Variants in CDC42 observed in about 807,000 individuals in gnomAD.
CDC42 encodes the protein cell division cycle 42.
A neutral mutation model predicts 20.8 loss-of-function variants in CDC42; 1 was observed. That is an observed-to-expected ratio of 0.05 (90% CI 0.02 to 0.23). The LOEUF is 0.23. CDC42 is among the 10% of genes least tolerant of loss of function. CDC42 has a pLI of 1.00. For missense variants in CDC42, 49 were observed against 227.9 expected, an observed-to-expected ratio of 0.21 and a Z score of 5.05; for synonymous variants, 72 against 84.8, an observed-to-expected ratio of 0.85 and a Z score of 0.83.
rs571796710 is a variant in CDC42, at chr1:22,095,202, C to G, written c.*3685C>G. ...CTGTAAGTCTTACTCTGTATCTACCCGACTTCAGATCATGGTGATTTAATT... is the reference window on the plus strand; with the variant it reads ...CTGTAAGTCTTACTCTGTATCTACCGGACTTCAGATCATGGTGATTTAATT... On this transcript the variant is annotated 3_prime_UTR_variant, in exon 6 of 6. Transcript: ENST00000656825. Among the ~76,000 whole-genome samples the G allele has an allele frequency of 6.6e-6, 1 of 152,034 alleles. No homozygotes were observed. The highest frequency in any genetic ancestry group is 1.5e-5 in the Non-Finnish European group (1 of 68,018).
At position 22,092,776 on chromosome 1, in the gene CDC42, G is replaced by C. The variant is rs553006459; in HGVS notation, c.*1259G>C. 6.6e-4 allele frequency: 101 copies of C among 152,690 alleles called. No homozygotes were observed. The highest frequency in any genetic ancestry group is 2.2e-3 in the African/African-American group (93 of 41,540). The allele number at this position is 152,690 out of a possible 1,614,324, so 9.5% of individuals were successfully genotyped here. ...TTAAGTGTTAATAGGGATTTTTTCA[G>C]CTTATTTTGGTTGCAGTTTCCAATT... On this transcript the variant is annotated 3_prime_UTR_variant, in exon 6 of 6. Coordinates refer to ENST00000656825, the MANE Select transcript of CDC42 (RefSeq NM_001791.4).
intron 2 of CDC42, among the ~76,000 whole-genome samples, chr1:22,080,175 A>G (rs1359886290): frequency 6.6e-6 from 1 of 152,226 alleles, no homozygotes; most frequent in African/African-American, 2.4e-5. Context: ...TTTAGGGATG[A>G]GACTTAGAAG....
chr1:22,092,631 A>G lies in CDC42; in HGVS notation c.*1114A>G, dbSNP rs999773724. The G allele has an allele frequency of 6.6e-6, 1 of 152,534 alleles. No individual in the cohort carries two copies. The highest frequency in any genetic ancestry group is 6.5e-5 in the Admixed American group (1 of 15,270). The allele number at this position is 152,534 out of a possible 1,614,324, so 9.4% of individuals were successfully genotyped here. A position where few individuals can be genotyped will look rare whatever the true frequency, so the allele number is the denominator to read the frequency against. On this transcript the variant is annotated 3_prime_UTR_variant, in exon 6 of 6. Coordinates refer to ENST00000656825, the MANE Select transcript of CDC42 (RefSeq NM_001791.4). ...GGGGGTGGGGAGAACACTTAACAAC[A>G]TGGGGACCAGTCAGGGGAATCCCCT...
intron 1 of CDC42, among the ~76,000 whole-genome samples, chr1:22,074,725 T>C (rs1250237871): frequency 6.6e-6 from 1 of 152,204 alleles, no homozygotes; most frequent in Non-Finnish European, 1.5e-5. Context: ...TTAATACATG[T>C]GTTAAAGGGC....
intron 1 of CDC42, among the ~76,000 whole-genome samples, chr1:22,057,957 C>T (rs1205823296): frequency 6.6e-6 from 1 of 152,042 alleles, no homozygotes; most frequent in Non-Finnish European, 1.5e-5. Context: ...TAACTCCTGA[C>T]CTCACGTGAT....
rs1223222790 is a variant in CDC42 at position 22,097,289 on chromosome 1, C to T, written c.*5772C>T. Among the ~76,000 whole-genome samples, 1 of 152,212 alleles carries T rather than the reference C, an allele frequency of 6.6e-6. No homozygotes were observed. Among genetic ancestry groups the T allele is most frequent in the African/African-American group, 2.4e-5 (1 of 41,458 alleles). ...ACTTTTTTTTCGAGACCAGATCTTA[C>T]TCTGTCGCCCAGGCTGGAGTGCAGT... On this transcript the variant is annotated 3_prime_UTR_variant, in exon 6 of 6. Transcript: ENST00000656825.
intron 2 of CDC42, among the ~76,000 whole-genome samples, chr1:22,080,677 T>A (rs1645597977): frequency 6.6e-6 from 1 of 152,228 alleles, no homozygotes; most frequent in African/African-American, 2.4e-5. Context: ...TTCTAAAGAC[T>A]CCAGAATTTG....
chr1:22,090,198 A>C (rs1018571710), intron 5 of CDC42: 8 of 1,291,446 alleles, frequency 6.2e-6, no homozygotes, highest in Non-Finnish European at 6.9e-6. Flanking sequence ...ATGCAATATC[A>C]TATAAATTTT....
chr1:22,054,915 ATATATATTTTTTTTTTTTTTTTTTTTTTT>A (rs1645283557), intron 1 of CDC42, among the ~76,000 whole-genome samples: 7 of 14,690 alleles, frequency 4.8e-4, no homozygotes, highest in East Asian at 6.0e-3. Flanking sequence ...ATATATATAT[ATATATATTTTTTTTTTTTTTTTTTTTTTT>A]TTTTTTTTTT....
Position 22,070,443 on chromosome 1 carries a change from C to CTTTTTTT in CDC42, c.-50-7954_-50-7948dup, listed in dbSNP as rs567184632. On this transcript the variant is annotated intron_variant, in intron 1 of 5. Coordinates refer to ENST00000656825, the MANE Select transcript of CDC42 (RefSeq NM_001791.4). ...CCTTTGTTGTCCTCTGCCTTTGCCT[C>CTTTTTTT]TTTTTTTTTTTTTTTTTTTTTTTTT... Among the ~76,000 whole-genome samples the CTTTTTTT allele has an allele frequency of 9.9e-5, 6 of 60,370 alleles. 2 individuals carry two copies. The highest frequency in any genetic ancestry group is 1.8e-4 in the Non-Finnish European group (6 of 34,184). The allele number at this position is 60,370 out of a possible 152,430, so 39.6% of individuals were successfully genotyped here. A position where few individuals can be genotyped will look rare whatever the true frequency, so the allele number is the denominator to read the frequency against.
At chr1:22,065,121 A>G (rs1645408014) in intron 1 of CDC42, among the ~76,000 whole-genome samples, 1 of 152,232 alleles carries the variant, frequency 6.6e-6, no homozygotes, top group African/African-American at 2.4e-5. Flanking sequence ...GGCTTAAAAG[A>G]GTTTTAAGTA....
At position 22,101,285 on chromosome 1, in the gene CDC42, C is replaced by T. The variant is rs1212960833; in HGVS notation, c.*9768C>T. 1 of 152,208 alleles carries T rather than the reference C, an allele frequency of 6.6e-6. No individual in the cohort carries two copies. Among genetic ancestry groups the T allele is most frequent in the Non-Finnish European group, 1.5e-5 (1 of 68,030 alleles). The allele number at this position is 152,208 out of a possible 1,614,324, so 9.4% of individuals were successfully genotyped here. ...GAAGATCCAGGTTCTAGTTGAGGCA[C>T]CAGAGTTTCCTTGGGCAAGTTGCCA... On this transcript the variant is annotated 3_prime_UTR_variant, in exon 6 of 6. Coordinates refer to ENST00000656825, the MANE Select transcript of CDC42 (RefSeq NM_001791.4).
chr1:22,078,365 C>G (rs1645573685), intron 1 of CDC42, 64 bp from the exon 2 acceptor site: 2 of 726,696 alleles, frequency 2.8e-6, no homozygotes, highest in Admixed American at 2.9e-5. Context: ...GAACCTGTTG[C>G]TAAGTGAGGA....
At chr1:22,059,576 G>C (rs886444487) in intron 1 of CDC42, 11 of 145,530 alleles carry the variant, frequency 7.6e-5, no homozygotes, top group Non-Finnish European at 1.7e-4. Flanking sequence ...GAGAATTCTC[G>C]CTCTGTTGCC....
At chr1:22,072,504 G>GCTTT in intron 1 of CDC42, among the ~76,000 whole-genome samples, 1 of 152,214 alleles carries the variant, frequency 6.6e-6, no homozygotes, top group East Asian at 1.9e-4. Flanking sequence ...CAGGTGACCT[G>GCTTT]CTTTCCCCTC....
In CDC42 at chr1:22,067,851, G is replaced by C. The variant is rs139394589; in HGVS notation, c.-50-10578G>C. 2.7e-3 allele frequency among the ~76,000 whole-genome samples: 412 copies of C among 152,312 alleles called. 1 individual carries two copies. Among genetic ancestry groups the C allele is most frequent in the Middle Eastern group, 6.8e-3 (2 of 294 alleles). On this transcript the variant is annotated intron_variant, in intron 1 of 5. Coordinates refer to ENST00000656825, the MANE Select transcript of CDC42 (RefSeq NM_001791.4). ...GAATTTTGGGACACAAACATAGCAG[G>C]TGGTCAGGCGGTTGGGGCAGTTTCA...
intron 1 of CDC42, among the ~76,000 whole-genome samples, chr1:22,063,171 A>G (rs776108822): frequency 6.6e-6 from 1 of 151,876 alleles, no homozygotes; most frequent in Non-Finnish European, 1.5e-5. Flanking sequence ...ACTCCTATCT[A>G]ACTAGAGATT....
intron 2 of CDC42, among the ~76,000 whole-genome samples, chr1:22,081,338 A>G (rs1645605721): frequency 6.6e-6 from 1 of 152,196 alleles, no homozygotes; most frequent in South Asian, 2.1e-4. Context: ...TTCTAGATGA[A>G]AAGGAAATGG....
chr1:22,073,487 C>T (rs932030144), intron 1 of CDC42, among the ~76,000 whole-genome samples: 2 of 150,534 alleles, frequency 1.3e-5, no homozygotes, highest in East Asian at 1.9e-4. Context: ...TGCAGTGAGC[C>T]GAGATCACGC....
Sources: gnomAD v4.1 joint callset for allele counts (sites outside exome capture counted in the v4.1 genomes callset) on GRCh38, gnomAD v4.1.1 for gene constraint, MANE v1.5 for transcripts, NCBI Gene and HGNC (gene_info 2026-07-23, HGNC 2026-07-21) for gene names.